TRIML2: variants seen among roughly 807,000 people sequenced by gnomAD.
TRIML2 encodes tripartite motif family like 2.
A neutral mutation model predicts 31.2 loss-of-function variants in TRIML2; 28 were observed. The observed-to-expected ratio is 0.90, with a 90% CI of 0.66 to 1.23. The LOEUF is 1.23. Among genes scored for constraint, TRIML2 ranks in the 50% most tolerant of loss-of-function variants. The probability of loss-of-function intolerance (pLI) is 0.00; values close to 1 mark genes in which losing one functional copy is unlikely to be tolerated. For missense variants in TRIML2, 536 were observed against 528.3 expected (o/e 1.01, Z -0.14); for synonymous variants, 187 against 197.5 (o/e 0.95, Z 0.45).
intron 3 of TRIML2, among the ~76,000 whole-genome samples, chr4:188,102,454 G>C (rs1276340169): frequency 1.3e-5 from 2 of 152,126 alleles, no homozygotes; most frequent in African/African-American, 4.8e-5. Flanking sequence ...ATAGTAAGTA[G>C]GAAATTGGAC....
At chr4:188,107,423 A>G (rs1442006006) in intron 1 of TRIML2, among the ~76,000 whole-genome samples, 1 of 152,246 alleles carries the variant, frequency 6.6e-6, no homozygotes, top group Non-Finnish European at 1.5e-5. Flanking sequence ...TTCGTCAATA[A>G]TGAGTGCAAA....
chr4:188,092,728 A>G, intron 7 of TRIML2: 1 of 454,004 alleles, frequency 2.2e-6, no homozygotes. Context: ...ATCAGGCATT[A>G]CATCAGATAA....
At chr4:188,106,715 C>T (rs1734058846) in intron 1 of TRIML2, 2 of 173,722 alleles carry the variant, frequency 1.2e-5, no homozygotes, top group South Asian at 2.6e-4. Flanking sequence ...GCGAGGCCAC[C>T]CTGGACCAGG....
chr4:188,097,961 A>C (rs2111166870), intron 5 of TRIML2, among the ~76,000 whole-genome samples: 1 of 152,106 alleles, frequency 6.6e-6, no homozygotes, highest in East Asian at 1.9e-4. Flanking sequence ...GTTTCTACTA[A>C]AAATACAAAA....
rs777596147 is a variant in TRIML2 at position 188,099,163 on chromosome 4, C to A, written c.493G>T (p.Val165Leu). Residue 165 changes from valine (V) to leucine (L), a missense_variant, in exon 5 of 8, where the codon GTG becomes TTG. Transcript: ENST00000682553. ...FQEMLQRLGR[V>L]GRENMEKLKE... Reference sequence around the variant, plus strand: ...AGTTTCTCCATGTTCTCTCTCCCCACACGGCCCAGTCTCTGCAGAAGCATT... The same window carrying A: ...AGTTTCTCCATGTTCTCTCTCCCCAAACGGCCCAGTCTCTGCAGAAGCATT... The A allele has an allele frequency of 1.4e-5, 23 of 1,610,810 alleles. No homozygotes were observed. The highest frequency in any genetic ancestry group is 6.8e-5 in the Admixed American group (4 of 59,246).
At chr4:188,098,195 C>A in intron 5 of TRIML2, 1 of 428,264 alleles carries the variant, frequency 2.3e-6, no homozygotes, top group South Asian at 1.7e-5. Context: ...TCAAAATATG[C>A]AATACTTACC....
At chr4:188,103,135 C>G (rs1169893377) in intron 3 of TRIML2, among the ~76,000 whole-genome samples, 1 of 151,202 alleles carries the variant, frequency 6.6e-6, no homozygotes. Context: ...GCCTCAGTCA[C>G]CTGAGTAGCT....
At chr4:188,096,116 C>T (rs990971221) in intron 7 of TRIML2, among the ~76,000 whole-genome samples, 8 of 152,170 alleles carry the variant, frequency 5.3e-5, no homozygotes, top group African/African-American at 1.9e-4. Context: ...AAAGAATCTG[C>T]AGCCAGGCGT....
chr4:188,097,950 C>T (rs1052745718), intron 5 of TRIML2, among the ~76,000 whole-genome samples: 4 of 151,894 alleles, frequency 2.6e-5, no homozygotes, highest in Non-Finnish European at 4.4e-5. Context: ...GGTGAAACCC[C>T]GTTTCTACTA....
intron 7 of TRIML2, among the ~76,000 whole-genome samples, chr4:188,096,150 G>A (rs560052566): frequency 1.3e-5 from 2 of 152,262 alleles, no homozygotes; most frequent in Admixed American, 6.5e-5. Flanking sequence ...TGTAATCCCA[G>A]CACTTTGGGA....
chr4:188,092,937 A>G (rs1027734841), intron 7 of TRIML2: 11 of 455,256 alleles, frequency 2.4e-5, no homozygotes, highest in African/African-American at 1.6e-4. Flanking sequence ...TTCAAGTAGT[A>G]TATTCTCCTT....
At chr4:188,093,382 G>A (rs1343163042) in intron 7 of TRIML2, among the ~76,000 whole-genome samples, 3 of 152,188 alleles carry the variant, frequency 2.0e-5, no homozygotes, top group East Asian at 1.9e-4. Flanking sequence ...CTGGAAAAAC[G>A]CACAGCTGTG....
intron 7 of TRIML2, among the ~76,000 whole-genome samples, chr4:188,094,043 G>T (rs181244440): frequency 6.6e-6 from 1 of 151,004 alleles, no homozygotes; most frequent in Non-Finnish European, 1.5e-5. Context: ...GTGAGCTGAG[G>T]CTTCGCCATT....
intron 7 of TRIML2, among the ~76,000 whole-genome samples, chr4:188,095,508 T>G (rs1733467836): frequency 1.3e-5 from 2 of 152,148 alleles, no homozygotes; most frequent in Admixed American, 6.5e-5. Flanking sequence ...CACATGAAAA[T>G]ATGCTCAGCA....
chr4:188,094,655 T>A (rs1007743671), intron 7 of TRIML2, among the ~76,000 whole-genome samples: 9 of 152,122 alleles, frequency 5.9e-5, no homozygotes, highest in African/African-American at 2.2e-4. Flanking sequence ...ATGGAGATAT[T>A]TTGTATTCCT....
At chr4:188,096,909 G>C in intron 7 of TRIML2, 152 bp downstream of exon 7, 1 of 607,502 alleles carries the variant, frequency 1.6e-6, no homozygotes, top group Non-Finnish European at 3.0e-6. Context: ...CGCCCGCCTT[G>C]GCCTCCCAAA....
chr4:188,102,976 G>T (rs574854687), intron 3 of TRIML2, among the ~76,000 whole-genome samples: 1 of 146,946 alleles, frequency 6.8e-6, no homozygotes, highest in African/African-American at 2.5e-5. Context: ...CCCTTTGCAC[G>T]TCTCTCCACC....
intron 5 of TRIML2, 112 bp downstream of exon 5, chr4:188,098,923 G>A: frequency 3.3e-6 from 4 of 1,223,802 alleles, no homozygotes; most frequent in Non-Finnish European, 4.5e-6. Context: ...CTTCTTTTGT[G>A]GTTGAAGATC....
intron 3 of TRIML2, among the ~76,000 whole-genome samples, chr4:188,103,290 A>G (rs76717594): frequency 0.12 from 18,719 of 151,914 alleles, 1,870 homozygotes; most frequent in East Asian, 0.58. Context: ...ATGAGCCACC[A>G]CGACCAGCCT....
Sources: gnomAD v4.1 joint callset for allele counts (sites outside exome capture counted in the v4.1 genomes callset) on GRCh38, gnomAD v4.1.1 for gene constraint, MANE v1.5 for transcripts, NCBI Gene and HGNC (gene_info 2026-07-23, HGNC 2026-07-21) for gene names.